The following SGCZ variants were observed in gnomAD, a reference collection of about 807,000 sequenced individuals.
The protein encoded by SGCZ is zeta-sarcoglycan.
SGCZ carries 40 observed loss-of-function variants against 41.3 expected under a neutral mutation model. The ratio of observed to expected loss-of-function variants is 0.97; its 90% CI spans 0.75 to 1.26. SGCZ has a LOEUF of 1.26. Ranked by LOEUF, SGCZ falls within the 50% of genes most tolerant of loss-of-function variation. The pLI is 0.00. For synonymous variants in SGCZ, 206 were observed against 137.5 expected, an observed-to-expected ratio of 1.50 and a Z score of -3.49; for missense variants, 552 against 369.8, an observed-to-expected ratio of 1.49 and a Z score of -4.04.
In SGCZ at chr8:14,504,652, T is replaced by C. The variant is rs113625578; in HGVS notation, c.234+50080A>G. Among the ~76,000 whole-genome samples, 547 of 152,306 alleles carry C rather than the reference T, an allele frequency of 3.6e-3. 7 individuals carry two copies. The highest frequency in any genetic ancestry group is 0.012 in the African/African-American group (516 of 41,574). On this transcript the variant is annotated intron_variant, in intron 2 of 7. Transcript: ENST00000382080. Reference sequence around the variant, plus strand: ...TTTTCTGTAATGTACAAAGGTCAGGTATCTTTATGTATTTATTTTGTTCAC... The same window carrying C: ...TTTTCTGTAATGTACAAAGGTCAGGCATCTTTATGTATTTATTTTGTTCAC...
chr8:14,339,083 C>A lies in SGCZ; in HGVS notation c.235-14879G>T, dbSNP rs1202558984. On this transcript the variant is annotated intron_variant, in intron 2 of 7. Transcript: ENST00000382080. ...TAAAAAAGGATATTCATGTTGACAA[C>A]TATAACATATTATGTTTTTTTTTCT... 2.7e-5 allele frequency among the ~76,000 whole-genome samples: 4 copies of A among 148,622 alleles called. No individual in the cohort carries two copies. In the East Asian group the frequency reaches 7.8e-4, roughly 29 times the overall value.
chr8:14,687,840 A>T (rs1038678599), intron 1 of SGCZ, among the ~76,000 whole-genome samples: 5 of 152,034 alleles, frequency 3.3e-5, no homozygotes, highest in Admixed American at 1.3e-4. Context: ...ATTTCTCCAC[A>T]TCCTCTCCAG....
chr8:14,594,582 T>C (rs546962867), intron 1 of SGCZ, among the ~76,000 whole-genome samples: 1 of 150,556 alleles, frequency 6.6e-6, no homozygotes, highest in East Asian at 1.9e-4. Flanking sequence ...GCAAGCAGTT[T>C]ATGTCTATGG....
At chr8:14,225,298 T>C (rs1470890903) in intron 4 of SGCZ, among the ~76,000 whole-genome samples, 1 of 152,086 alleles carries the variant, frequency 6.6e-6, no homozygotes, top group Non-Finnish European at 1.5e-5. Context: ...CTGCTGTTTA[T>C]GTGTGAGAAT....
chr8:14,380,501 A>G (rs1674299823), intron 2 of SGCZ, among the ~76,000 whole-genome samples: 2 of 152,178 alleles, frequency 1.3e-5, no homozygotes, highest in South Asian at 4.1e-4. Context: ...CACTTTATCA[A>G]TTCATTTTGC....
chr8:14,470,925 C>G (rs73520907), intron 2 of SGCZ, among the ~76,000 whole-genome samples: 2,598 of 152,188 alleles, frequency 0.017, 91 homozygotes, highest in African/African-American at 0.06. Flanking sequence ...CTTATCAGAT[C>G]TTTAGTAAGC....
intron 4 of SGCZ, among the ~76,000 whole-genome samples, chr8:14,187,286 T>G (rs13251919): frequency 0.18 from 27,102 of 152,082 alleles, 2,900 homozygotes; most frequent in African/African-American, 0.28. Context: ...AATTTTCCAA[T>G]GTTCAACAAA....
intron 2 of SGCZ, among the ~76,000 whole-genome samples, chr8:14,362,135 G>T (rs1269647157): frequency 6.6e-6 from 1 of 152,186 alleles, no homozygotes; most frequent in South Asian, 2.1e-4. Flanking sequence ...CAGGCTACAC[G>T]TGGGTCTGGG....
chr8:14,750,220 A>G (rs1448916502), intron 1 of SGCZ, among the ~76,000 whole-genome samples: 1 of 151,952 alleles, frequency 6.6e-6, no homozygotes, highest in Non-Finnish European at 1.5e-5. Flanking sequence ...AGCTAAAGAG[A>G]TTACTTTCCT....
At position 15,202,842 on chromosome 8, in the gene SGCZ, G is replaced by A. The variant is rs572276212; in HGVS notation, c.39+34743C>T. Among the ~76,000 whole-genome samples, 6 of 152,206 alleles carry A rather than the reference G, an allele frequency of 3.9e-5. No homozygotes were observed. The South Asian group carries it at 1.2e-3, about 32-fold the overall frequency. On this transcript the variant is annotated intron_variant, in intron 1 of 7. Transcript: ENST00000382080. ...TAAGACAAACCTGGCCGGGCCTGGT[G>A]GCTCACACCTATAATCCCAGAACGT...
intron 1 of SGCZ, among the ~76,000 whole-genome samples, chr8:14,598,406 T>C (rs1805482401): frequency 6.6e-6 from 1 of 152,172 alleles, no homozygotes; most frequent in South Asian, 2.1e-4. Flanking sequence ...CCCTTCTAAT[T>C]TTATGTCTTT....
chr8:14,835,119 T>C (rs1802653160), intron 1 of SGCZ, among the ~76,000 whole-genome samples: 1 of 152,272 alleles, frequency 6.6e-6, no homozygotes, highest in East Asian at 1.9e-4. Context: ...ACAAGTTTAC[T>C]CAAGACATCT....
In SGCZ at chr8:14,497,749, T is replaced by A. The variant is rs147791177; in HGVS notation, c.234+56983A>T. Among the ~76,000 whole-genome samples, 1,261 of 152,154 alleles carry A rather than the reference T, an allele frequency of 8.3e-3. 20 individuals are homozygous for A. Among genetic ancestry groups the A allele is most frequent in the African/African-American group, 0.029 (1,200 of 41,516 alleles). ...GGGATCCACCCCATGATCTAATACC[T>A]CCCACTGGGTCCCACCACCAACATT... On this transcript the variant is annotated intron_variant, in intron 2 of 7. Transcript: ENST00000382080.
At chr8:14,675,594 C>T (rs532165579) in intron 1 of SGCZ, among the ~76,000 whole-genome samples, 1 of 152,182 alleles carries the variant, frequency 6.6e-6, no homozygotes, top group East Asian at 1.9e-4. Context: ...AAAATATACA[C>T]TGAGCTCCTA....
At chr8:14,374,272 A>C (rs9694345) in intron 2 of SGCZ, among the ~76,000 whole-genome samples, 1 of 152,086 alleles carries the variant, frequency 6.6e-6, no homozygotes, top group Non-Finnish European at 1.5e-5. Context: ...CCAACTCTTC[A>C]GGAGGCTGAG....
intron 4 of SGCZ, among the ~76,000 whole-genome samples, chr8:14,191,736 G>C (rs372683248): frequency 6.6e-6 from 1 of 152,124 alleles, no homozygotes; most frequent in Admixed American, 6.5e-5. Flanking sequence ...CTAAGGGTAT[G>C]TGAAACATCA....
rs11993091 is a variant in SGCZ at position 14,830,108 on chromosome 8, C to A, written c.40-275182G>T. The stretch of plus-strand genomic sequence containing the variant: ...TACAGGCATGAGCCACCGCACCCGG[C>A]CTTATGTTTGTATTTTTTATTTTTT... On this transcript the variant is annotated intron_variant, in intron 1 of 7. Transcript: ENST00000382080. 2.9e-3 allele frequency among the ~76,000 whole-genome samples: 445 copies of A among 152,204 alleles called. 3 individuals carry two copies. Among genetic ancestry groups the A allele is most frequent in the African/African-American group, 0.01 (434 of 41,536 alleles).
At chr8:14,561,460 A>G (rs1804205363) in intron 1 of SGCZ, among the ~76,000 whole-genome samples, 1 of 151,976 alleles carries the variant, frequency 6.6e-6, no homozygotes, top group African/African-American at 2.4e-5. Context: ...ATATTGCTGT[A>G]CCTCCCTTTT....
At chr8:14,863,281 G>T (rs1803815178) in intron 1 of SGCZ, among the ~76,000 whole-genome samples, 1 of 152,094 alleles carries the variant, frequency 6.6e-6, no homozygotes, top group African/African-American at 2.4e-5. Context: ...AACTAGCTAA[G>T]AAATACAGAG....
Sources: gnomAD v4.1 joint callset for allele counts (sites outside exome capture counted in the v4.1 genomes callset) on GRCh38, gnomAD v4.1.1 for gene constraint, MANE v1.5 for transcripts, NCBI Gene and HGNC (gene_info 2026-07-23, HGNC 2026-07-21) for gene names.